The following RAB3IP variants were observed in gnomAD, a reference collection of about 807,000 sequenced individuals.
RAB3IP encodes the protein rab-3A-interacting protein.
RAB3IP carries 36 observed loss-of-function variants against 59.1 expected under a neutral mutation model. The observed-to-expected ratio is 0.61, with a 90% CI of 0.47 to 0.80. The LOEUF (loss-of-function observed/expected upper bound fraction) is 0.80. Among genes scored for constraint, RAB3IP ranks in the 30% least tolerant of loss-of-function variants. RAB3IP has a pLI of 0.00. For synonymous variants in RAB3IP, 207 were observed against 191.2 expected (o/e 1.08, Z -0.68); for missense variants, 511 against 536.0 (o/e 0.95, Z 0.46).
Position 69,816,937 on chromosome 12 carries a change from G to A in RAB3IP, c.*1491G>A, listed in dbSNP as rs973615690. ...GTGAAAACCATCAGTACCATGCCTA[G>A]CTCAAGAATGTGAAATTGAACCTGA... On this transcript the variant is annotated 3_prime_UTR_variant, in exon 11 of 11. Transcript: ENST00000247833. 6.6e-6 allele frequency: 1 copy of A among 152,256 alleles called. No individual in the cohort carries two copies. The highest frequency in any genetic ancestry group is 2.4e-5 in the African/African-American group (1 of 41,536). The allele number at this position is 152,256 out of a possible 1,614,324, so 9.4% of individuals were successfully genotyped here.
chr12:69,805,702 A>C (rs1011225375), intron 8 of RAB3IP, among the ~76,000 whole-genome samples: 72 of 152,098 alleles, frequency 4.7e-4, no homozygotes, highest in Admixed American at 2.8e-3. Context: ...AGTTTTTAGC[A>C]TGAAGGGTTG....
At chr12:69,745,312 A>G (rs891782354) in intron 1 of RAB3IP, among the ~76,000 whole-genome samples, 3 of 152,090 alleles carry the variant, frequency 2.0e-5, no homozygotes, top group Non-Finnish European at 4.4e-5. Flanking sequence ...TATTATTACA[A>G]ATTTTCAAAA....
chr12:69,788,222 A>G (rs1020923932), intron 4 of RAB3IP, among the ~76,000 whole-genome samples: 1 of 152,078 alleles, frequency 6.6e-6, no homozygotes, highest in Non-Finnish European at 1.5e-5. Context: ...TTATTTTGTC[A>G]TTATAGATTT....
At chr12:69,749,290 T>G (rs551571037) in intron 1 of RAB3IP, among the ~76,000 whole-genome samples, 3 of 152,180 alleles carry the variant, frequency 2.0e-5, no homozygotes, top group Non-Finnish European at 2.9e-5. Flanking sequence ...GTTGCATGCT[T>G]CTTAAGAGAA....
intron 4 of RAB3IP, among the ~76,000 whole-genome samples, chr12:69,787,825 C>T (rs184343959): frequency 1.7e-3 from 263 of 152,168 alleles, no homozygotes; most frequent in African/African-American, 5.9e-3. Context: ...TGAGAGTTCC[C>T]TATGTGCTAG....
chr12:69,782,871 G>A (rs1233513531), intron 3 of RAB3IP, among the ~76,000 whole-genome samples: 4 of 151,872 alleles, frequency 2.6e-5, no homozygotes, highest in Non-Finnish European at 5.9e-5. Context: ...CAAGCTCATA[G>A]GAGAGAGATT....
chr12:69,742,545 C>T (rs1887445850), intron 1 of RAB3IP, among the ~76,000 whole-genome samples: 1 of 152,082 alleles, frequency 6.6e-6, no homozygotes, highest in Non-Finnish European at 1.5e-5. Flanking sequence ...GTGGTCTCTT[C>T]CTCTAGTCTA....
intron 8 of RAB3IP, among the ~76,000 whole-genome samples, chr12:69,805,551 G>A (rs1879119303): frequency 6.6e-6 from 1 of 151,894 alleles, no homozygotes; most frequent in Non-Finnish European, 1.5e-5. Context: ...GGAGTGGTGA[G>A]AGAGGGCATC....
chr12:69,821,387 T>C lies in RAB3IP; in HGVS notation c.*5941T>C, dbSNP rs1368364037. On this transcript the variant is annotated 3_prime_UTR_variant, in exon 11 of 11. Transcript: ENST00000247833. ...AGGAAAATACGCATCATATTTGTTA[T>C]TCACTGAGAGGGAGGAATTTCCACT... is the stretch of plus-strand genomic sequence containing the variant. 6.6e-6 allele frequency: 1 copy of C among 152,218 alleles called. No individual in the cohort carries two copies. The highest frequency in any genetic ancestry group is 6.5e-5 in the Admixed American group (1 of 15,280). The allele number at this position is 152,218 out of a possible 1,614,324, so 9.4% of individuals were successfully genotyped here.
chr12:69,808,348 T>C (rs1189315484), intron 8 of RAB3IP, among the ~76,000 whole-genome samples: 1 of 152,170 alleles, frequency 6.6e-6, no homozygotes, highest in Non-Finnish European at 1.5e-5. Flanking sequence ...GGTGTGGTGC[T>C]GAAAAGAATG....
At chr12:69,745,106 G>A (rs1367794116) in intron 1 of RAB3IP, among the ~76,000 whole-genome samples, 2 of 152,128 alleles carry the variant, frequency 1.3e-5, no homozygotes, top group African/African-American at 4.8e-5. Flanking sequence ...ATGTAGCCCA[G>A]TAACTATCAA....
At chr12:69,750,203 C>T (rs945354097) in intron 1 of RAB3IP, among the ~76,000 whole-genome samples, 1 of 152,140 alleles carries the variant, frequency 6.6e-6, no homozygotes, top group African/African-American at 2.4e-5. Context: ...TCAACGAATA[C>T]TAGCTGTTAT....
intron 3 of RAB3IP, 100 bp downstream of exon 3, chr12:69,756,763 A>G: frequency 2.0e-6 from 2 of 979,828 alleles, no homozygotes; most frequent in South Asian, 1.7e-5. Flanking sequence ...TGATGGTTGT[A>G]CATTTATCCG....
intron 1 of RAB3IP, among the ~76,000 whole-genome samples, chr12:69,745,003 C>T (rs1335879383): frequency 1.3e-5 from 2 of 152,010 alleles, no homozygotes; most frequent in African/African-American, 2.4e-5. Context: ...AAATTTTGAA[C>T]TTTCCTTTTT....
intron 8 of RAB3IP, among the ~76,000 whole-genome samples, chr12:69,810,502 G>T (rs532201453): frequency 6.6e-6 from 1 of 152,298 alleles, no homozygotes; most frequent in East Asian, 1.9e-4. Flanking sequence ...TTCCTATTCG[G>T]CCATCTTGGC....
chr12:69,753,761 C>CT (rs1869719032), intron 1 of RAB3IP, among the ~76,000 whole-genome samples: 1 of 152,122 alleles, frequency 6.6e-6, no homozygotes, highest in Non-Finnish European at 1.5e-5. Flanking sequence ...GAAGACCTTA[C>CT]TTTTTTGGCT....
rs771596821 is a variant in RAB3IP at position 69,795,318 on chromosome 12, C to A, written c.862C>A (p.Gln288Lys). The A allele has an allele frequency of 1.9e-6, 3 of 1,613,844 alleles. No homozygotes were observed. Among genetic ancestry groups the A allele is most frequent in the Admixed American group, 1.7e-5 (1 of 59,996 alleles). ...CAGTCATCAGGACCTCAGTGTGATA[C>A]AGCCAATTGTAAAAGACTGCAAAGA... ...SGSHQDLSVI[Q>K]PIVKDCKEAD... Residue 288 changes from glutamine (Q) to lysine (K), a missense_variant, in exon 6 of 11, where the codon CAG (glutamine) becomes AAG (lysine). Transcript: ENST00000247833.
chr12:69,809,250 A>T (rs1018624945), intron 8 of RAB3IP, among the ~76,000 whole-genome samples: 8 of 152,058 alleles, frequency 5.3e-5, no homozygotes, highest in African/African-American at 1.9e-4. Context: ...TGGCTTCTAG[A>T]GTTTCTGCCG....
rs565382082 is a variant in RAB3IP at position 69,801,320 on chromosome 12, T to C, written c.1018-289T>C. On this transcript the variant is annotated intron_variant, in intron 7 of 10. Coordinates refer to ENST00000247833, the MANE Select transcript of RAB3IP (RefSeq NM_022456.5). ...ATTCATTTTGAAGTGGCATTAACTG[T>C]GGATATTAATCGTGGGTAAGGAGTG... Among the ~76,000 whole-genome samples, 9 of 152,338 alleles carry C rather than the reference T, an allele frequency of 5.9e-5. No individual in the cohort carries two copies. The East Asian group carries it at 1.5e-3, about 26-fold the overall frequency.
Sources: allele counts gnomAD v4.1 joint callset (sites outside exome capture counted in the v4.1 genomes callset), GRCh38; gene constraint gnomAD v4.1.1; transcripts MANE v1.5; gene names NCBI Gene and HGNC (gene_info 2026-07-23, HGNC 2026-07-21).